The following HEATR1 variants were observed in gnomAD, a reference collection of about 807,000 sequenced individuals.
The protein encoded by HEATR1 is HEAT repeat containing 1.
A neutral mutation model predicts 248.2 loss-of-function variants in HEATR1; 77 were observed. The observed-to-expected ratio is 0.31, with a 90% CI of 0.26 to 0.37. The LOEUF (loss-of-function observed/expected upper bound fraction) is 0.37, where lower values mean the gene tolerates loss of function less well. Ranked by LOEUF, HEATR1 falls within the 10% of genes least tolerant of loss-of-function variation. The pLI, the probability that HEATR1 is intolerant of heterozygous loss-of-function variation, is 1.00. For synonymous variants in HEATR1, 897 were observed against 923.1 expected, an observed-to-expected ratio of 0.97 and a Z score of 0.51; for missense variants, 2,420 against 2,504.9, an observed-to-expected ratio of 0.97 and a Z score of 0.72.
At position 236,560,487 on chromosome 1, in the gene HEATR1, G is replaced by C. The variant is rs1663102644; in HGVS notation, c.4647-650C>G. 2.6e-5 allele frequency among the ~76,000 whole-genome samples: 4 copies of C among 152,172 alleles called. No homozygotes were observed. In the South Asian group the frequency reaches 8.3e-4, roughly 31 times the overall value. ...AGACAGAAGTTGACACCGCACAGCA[G>C]AGGAGGGGAGAAGGGGGCGCAGACA... On this transcript the variant is annotated intron_variant, in intron 33 of 44. Coordinates refer to ENST00000366582, the MANE Select transcript of HEATR1 (RefSeq NM_018072.6).
In HEATR1 at chr1:236,558,353, AG is replaced by A; in HGVS notation, c.5087del (p.Ala1696ValfsTer2). ...TTCTCTCTGGAGCAATCAGTTTCAC[AG>A]CAGTGTTCAGCACTGGGACAAAAGG... ...PDPFVPVLNT[A>X]VKLIAPERKE... On this transcript the variant is annotated frameshift_variant, in exon 36 of 45. Transcript: ENST00000366582. LOFTEE classifies it high-confidence loss of function. The A allele has an allele frequency of 1.2e-6, 2 of 1,614,216 alleles. No individual in the cohort carries two copies. Among genetic ancestry groups the A allele is most frequent in the Non-Finnish European group, 1.7e-6 (2 of 1,180,022 alleles).
At chr1:236,564,892 A>T (rs1043549276) in intron 31 of HEATR1, among the ~76,000 whole-genome samples, 4 of 152,212 alleles carry the variant, frequency 2.6e-5, no homozygotes, top group Non-Finnish European at 5.9e-5. Context: ...AAGACAAAAA[A>T]CAAAACAGGG....
At chr1:236,568,938 A>G in intron 29 of HEATR1, 58 bp downstream of exon 29, 1 of 1,224,468 alleles carries the variant, frequency 8.2e-7, no homozygotes, top group Non-Finnish European at 1.1e-6. Flanking sequence ...AATGTCATTT[A>G]TATGCAAAAT....
chr1:236,552,606 T>C (rs1662803272), intron 43 of HEATR1: 1 of 152,266 alleles, frequency 6.6e-6, no homozygotes, highest in Non-Finnish European at 1.5e-5. Flanking sequence ...ATAAAAAACA[T>C]TCTGTGTCAC....
chr1:236,602,921 T>C (rs754966878), intron 3 of HEATR1: 1 of 427,506 alleles, frequency 2.3e-6, no homozygotes, highest in Non-Finnish European at 4.2e-6. Flanking sequence ...AGACTCTATC[T>C]CAAAAAAAAA....
At position 236,592,046 on chromosome 1, in the gene HEATR1, G is replaced by GT; in HGVS notation, c.1368dup (p.Gln457ThrfsTer24). On this transcript the variant is annotated frameshift_variant, in exon 11 of 45. Transcript: ENST00000366582. LOFTEE classifies it high-confidence loss of function. ...GAAACAAACTGATGGAAAAGCTCTTGTTTTTTCAGATCTGCAATTTCCTTT... is the reference window on the plus strand; with the variant it reads ...GAAACAAACTGATGGAAAAGCTCTTGTTTTTTTCAGATCTGCAATTTCCTTT... 1 of 1,608,756 alleles carries GT rather than the reference G, an allele frequency of 6.2e-7. No homozygotes were observed. The highest frequency in any genetic ancestry group is 8.5e-7 in the Non-Finnish European group (1 of 1,176,106).
intron 20 of HEATR1, 22 bp downstream of exon 20, chr1:236,581,200 A>G (rs774224413): frequency 6.3e-6 from 10 of 1,584,400 alleles, no homozygotes; most frequent in Admixed American, 1.7e-5. Flanking sequence ...ATGACAAAAC[A>G]TAACAATGCT....
chr1:236,585,147 T>G lies in HEATR1; in HGVS notation c.2119A>C (p.Ile707Leu). 3 of 1,614,066 alleles carry G rather than the reference T, an allele frequency of 1.9e-6. No individual in the cohort carries two copies. In the Admixed American group the frequency reaches 5.0e-5, roughly 27 times the overall value. Residue 707 changes from isoleucine (I) to leucine (L), a missense_variant, in exon 17 of 45, where the codon ATC (isoleucine) becomes CTC (leucine). Ile to Leu is a conservative substitution (Grantham distance 5, BLOSUM62 2). Transcript: ENST00000366582. The stretch of plus-strand genomic sequence containing the variant: ...CAACAAGAGACGAGCACAGACAGGA[T>G]CACATGAAACGTTACTTTCTGCTTC... Reference protein sequence around the residue: ...NLKQKVTFHVILSVLVSCCSS... With the variant: ...NLKQKVTFHVLLSVLVSCCSS...
intron 14 of HEATR1, 116 bp downstream of exon 14, chr1:236,587,283 TACC>T (rs1486133255): frequency 7.7e-5 from 34 of 440,350 alleles, no homozygotes; most frequent in Non-Finnish European, 6.2e-5. Context: ...TCTGTTCTAC[TACC>T]ACGACAAAAG....
In HEATR1 at chr1:236,587,505, A is replaced by G; in HGVS notation, c.1627-15T>C. ...TCTTTGAAAATCTAAAGGGAAAAAAATATCCAGAGTAGATTTGTACTTGCT... is the reference window on the plus strand; with the variant it reads ...TCTTTGAAAATCTAAAGGGAAAAAAGTATCCAGAGTAGATTTGTACTTGCT... On this transcript the variant is annotated splice_polypyrimidine_tract_variant and intron_variant, in intron 13 of 44. Transcript: ENST00000366582. The G allele has an allele frequency of 7.4e-7, 1 of 1,346,136 alleles. No individual in the cohort carries two copies. The allele number at this position is 1,346,136 out of a possible 1,614,324, so 83.4% of individuals were successfully genotyped here.
At chr1:236,578,868 G>A (rs1039553726) in intron 20 of HEATR1, among the ~76,000 whole-genome samples, 1 of 152,106 alleles carries the variant, frequency 6.6e-6, no homozygotes, top group South Asian at 2.1e-4. Flanking sequence ...TAGTAGGAAT[G>A]CATCTGTGAG....
intron 12 of HEATR1, among the ~76,000 whole-genome samples, chr1:236,589,498 AT>A (rs59405110): frequency 4.6e-5 from 7 of 151,748 alleles, no homozygotes; most frequent in Non-Finnish European, 5.9e-5. Context: ...TAAAACAAAA[AT>A]TTTTTTTTAA....
chr1:236,580,239 A>C (rs947687769), intron 20 of HEATR1, among the ~76,000 whole-genome samples: 1 of 152,204 alleles, frequency 6.6e-6, no homozygotes, highest in Non-Finnish European at 1.5e-5. Context: ...ATTTCATTAG[A>C]GAATGCCGAA....
intron 16 of HEATR1, 86 bp downstream of exon 16, chr1:236,585,734 A>G: frequency 2.1e-6 from 3 of 1,423,614 alleles, no homozygotes; most frequent in Non-Finnish European, 2.9e-6. Flanking sequence ...AATTTTTTTT[A>G]AGAAAAATCT....
intron 20 of HEATR1, among the ~76,000 whole-genome samples, chr1:236,580,282 A>C (rs1447678090): frequency 6.6e-6 from 1 of 152,224 alleles, no homozygotes. Context: ...TAAAAGAGAT[A>C]AATGCAGGAG....
chr1:236,598,582 G>C (rs556168623), intron 4 of HEATR1, among the ~76,000 whole-genome samples: 1 of 152,304 alleles, frequency 6.6e-6, no homozygotes, highest in East Asian at 1.9e-4. Flanking sequence ...TGAATGTTGG[G>C]AAGAGCAGTT....
At chr1:236,552,875 C>CTA in intron 43 of HEATR1, 2 of 152,306 alleles carry the variant, frequency 1.3e-5, no homozygotes, top group East Asian at 3.9e-4. Context: ...TTTGATACTG[C>CTA]TACTTGTATA....
At position 236,583,010 on chromosome 1, in the gene HEATR1, T is replaced by C; in HGVS notation, c.2425+3A>G. 6.2e-7 allele frequency: 1 copy of C among 1,613,372 alleles called. No homozygotes were observed. ...TTTAAAAGATTCACAGCTTGTATCT[T>C]ACCTTTAGGAAAAGATTTAGGAGCT... is the stretch of plus-strand genomic sequence containing the variant. On this transcript the variant is annotated splice_donor_region_variant and intron_variant, in intron 18 of 44. Coordinates refer to ENST00000366582, the MANE Select transcript of HEATR1 (RefSeq NM_018072.6).
At chr1:236,559,190 C>T (rs1663057359) in intron 34 of HEATR1, 55 bp from the exon 35 acceptor site, 2 of 1,357,784 alleles carry the variant, frequency 1.5e-6, no homozygotes, top group Non-Finnish European at 9.9e-7. Context: ...AAAAAAAAAC[C>T]AACTTCAATT....
Sources: gnomAD v4.1 joint callset for allele counts (sites outside exome capture counted in the v4.1 genomes callset) on GRCh38, gnomAD v4.1.1 for gene constraint, MANE v1.5 for transcripts, NCBI Gene and HGNC (gene_info 2026-07-23, HGNC 2026-07-21) for gene names.